Variants in DAB1 observed in about 807,000 individuals in gnomAD.
The protein encoded by DAB1 is DAB adaptor protein 1.
In DAB1, 15 loss-of-function variants were observed where a neutral mutation model predicts 64.6. The observed-to-expected ratio is 0.23, with a 90% confidence interval of 0.16 to 0.36. The LOEUF (loss-of-function observed/expected upper bound fraction) is 0.36. Ranked by LOEUF, DAB1 falls within the 10% of genes least tolerant of loss-of-function variation. DAB1 has a pLI of 1.00. For synonymous variants in DAB1, 235 were observed against 251.9 expected (o/e 0.93, Z 0.64); for missense variants, 596 against 706.7 (o/e 0.84, Z 1.78).
At chr1:57,234,401 A>G (rs953139731) in intron 2 of DAB1, among the ~76,000 whole-genome samples, 2 of 152,148 alleles carry the variant, frequency 1.3e-5, no homozygotes, top group Non-Finnish European at 2.9e-5. Flanking sequence ...TAATTTCCAT[A>G]TTTATAAAGT....
chr1:57,248,151 A>G (rs1669030736), intron 2 of DAB1, among the ~76,000 whole-genome samples: 1 of 152,198 alleles, frequency 6.6e-6, no homozygotes, highest in African/African-American at 2.4e-5. Context: ...TCATCTCTAG[A>G]TCACTTATAA....
At chr1:57,845,854 C>T (rs1356032375) in intron 1 of DAB1, among the ~76,000 whole-genome samples, 2 of 152,172 alleles carry the variant, frequency 1.3e-5, no homozygotes, top group African/African-American at 4.8e-5. Context: ...CCATCTAAAG[C>T]CAAACACAGT....
At chr1:57,863,273 T>C (rs1326348528) in intron 1 of DAB1, 14 of 146,812 alleles carry the variant, frequency 9.5e-5, no homozygotes, top group African/African-American at 3.0e-4. Context: ...GAGGTGTGTA[T>C]GGGGGATGTG....
At chr1:58,027,366 AT>A (rs1360151606) in intron 5 of DAB1, among the ~76,000 whole-genome samples, 2 of 152,134 alleles carry the variant, frequency 1.3e-5, no homozygotes, top group Non-Finnish European at 2.9e-5. Context: ...CCCAGCCTTG[AT>A]TGGATTTTTT....
chr1:58,073,238 C>T (rs1271504093), intron 5 of DAB1, among the ~76,000 whole-genome samples: 1 of 152,180 alleles, frequency 6.6e-6, no homozygotes, highest in Non-Finnish European at 1.5e-5. Context: ...TGCCTTCACA[C>T]ATACTGTGTT....
intron 1 of DAB1, among the ~76,000 whole-genome samples, chr1:57,851,429 G>C (rs1653519967): frequency 6.6e-6 from 1 of 152,174 alleles, no homozygotes; most frequent in Non-Finnish European, 1.5e-5. Context: ...GAGCACACTA[G>C]AGCACACCTC....
At chr1:57,330,791 C>T (rs1676598643) in intron 1 of DAB1, among the ~76,000 whole-genome samples, 2 of 151,830 alleles carry the variant, frequency 1.3e-5, no homozygotes, top group Admixed American at 1.3e-4. Flanking sequence ...CACTATGGTC[C>T]AGACTGTTGG....
At chr1:58,340,045 T>C (rs1663213176) in intron 4 of DAB1, among the ~76,000 whole-genome samples, 1 of 152,166 alleles carries the variant, frequency 6.6e-6, no homozygotes, top group African/African-American at 2.4e-5. Flanking sequence ...TAAACCAACA[T>C]TGATTTTACT....
At chr1:58,368,227 T>C (rs1395072503) in intron 3 of DAB1, among the ~76,000 whole-genome samples, 3 of 152,146 alleles carry the variant, frequency 2.0e-5, no homozygotes, top group African/African-American at 7.2e-5. Context: ...TAGCTACATA[T>C]TAGGGGCTGG....
intron 4 of DAB1, among the ~76,000 whole-genome samples, chr1:58,174,036 C>A (rs1398838133): frequency 6.6e-6 from 1 of 152,198 alleles, no homozygotes; most frequent in Non-Finnish European, 1.5e-5. Flanking sequence ...TATCCTGACT[C>A]TACAGTCCCA....
intron 5 of DAB1, among the ~76,000 whole-genome samples, chr1:57,920,941 G>A (rs1557557088): frequency 6.8e-6 from 1 of 147,298 alleles, no homozygotes. Flanking sequence ...TCTACTTCTA[G>A]GTATTTATTC....
At chr1:58,230,929 G>A (rs768645231) in intron 4 of DAB1, among the ~76,000 whole-genome samples, 7 of 152,128 alleles carry the variant, frequency 4.6e-5, no homozygotes, top group Non-Finnish European at 8.8e-5. Context: ...CCAGACAGAC[G>A]GATTCTGAAT....
At chr1:57,012,026 A>G (rs1450738740) in intron 12 of DAB1, among the ~76,000 whole-genome samples, 1 of 152,204 alleles carries the variant, frequency 6.6e-6, no homozygotes, top group Non-Finnish European at 1.5e-5. Flanking sequence ...ACCCACCCAC[A>G]TCTCCTCTCA....
chr1:57,121,819 G>C (rs1656693876), intron 4 of DAB1, among the ~76,000 whole-genome samples: 1 of 151,946 alleles, frequency 6.6e-6, no homozygotes, highest in African/African-American at 2.4e-5. Context: ...TTAGAGGACG[G>C]GTTAGTAGGT....
chr1:57,804,552 G>A (rs1192207827), intron 6 of DAB1, among the ~76,000 whole-genome samples: 1 of 152,212 alleles, frequency 6.6e-6, no homozygotes, highest in East Asian at 1.9e-4. Flanking sequence ...ATGTGTAAGA[G>A]TTCACAGAAC....
chr1:57,033,263 T>C, intron 9 of DAB1: 1 of 1,013,210 alleles, frequency 9.9e-7, no homozygotes, highest in South Asian at 1.4e-5. Context: ...GACATTTGAA[T>C]AGGTACCTAC....
At chr1:58,186,233 G>A (rs1008448410) in intron 4 of DAB1, among the ~76,000 whole-genome samples, 1 of 152,138 alleles carries the variant, frequency 6.6e-6, no homozygotes, top group African/African-American at 2.4e-5. Flanking sequence ...CAAGCATCAA[G>A]GGCAAGAGAT....
At chr1:58,300,612 G>GAAAGGA (rs1456432665) in intron 4 of DAB1, among the ~76,000 whole-genome samples, 1 of 44,552 alleles carries the variant, frequency 2.2e-5, no homozygotes, top group Non-Finnish European at 5.0e-5. Flanking sequence ...AAGAAAGAAA[G>GAAAGGA]AGAGAGAGAG....
intron 9 of DAB1, among the ~76,000 whole-genome samples, 170 bp downstream of exon 9, chr1:57,062,714 A>G (rs1650522436): frequency 6.6e-6 from 1 of 152,070 alleles, no homozygotes; most frequent in South Asian, 2.1e-4. Flanking sequence ...TTTCTGCCTC[A>G]TGTCTCCTTC....
Sources: allele counts gnomAD v4.1 joint callset (sites outside exome capture counted in the v4.1 genomes callset), GRCh38; gene constraint gnomAD v4.1.1; transcripts MANE v1.5; gene names NCBI Gene and HGNC (gene_info 2026-07-23, HGNC 2026-07-21).